TMIGD3: variants seen among roughly 807,000 people sequenced by gnomAD.
TMIGD3 encodes transmembrane and immunoglobulin domain containing 3.
In TMIGD3, 21 loss-of-function variants were observed where a neutral mutation model predicts 28.1. The ratio of observed to expected loss-of-function variants is 0.75; its 90% CI spans 0.53 to 1.08. The LOEUF (loss-of-function observed/expected upper bound fraction) is 1.08, where lower values mean the gene tolerates loss of function less well. Among genes scored for constraint, TMIGD3 ranks in the 50% least tolerant of loss-of-function variants. TMIGD3 has a pLI of 0.00. For synonymous variants in TMIGD3, 151 were observed against 162.1 expected, an observed-to-expected ratio of 0.93 and a Z score of 0.52; for missense variants, 416 against 435.6, an observed-to-expected ratio of 0.96 and a Z score of 0.40.
chr1:111,536,503 A>G (rs1294427463), intron 1 of TMIGD3, among the ~76,000 whole-genome samples: 1 of 152,160 alleles, frequency 6.6e-6, no homozygotes, highest in Non-Finnish European at 1.5e-5. Context: ...AAATTGCTGT[A>G]TACTAAGTCC....
intron 1 of TMIGD3, chr1:111,542,139 C>T (rs1656854960): frequency 3.7e-6 from 1 of 267,946 alleles, no homozygotes; most frequent in Non-Finnish European, 7.8e-6. Flanking sequence ...GTACAAAGAA[C>T]TATCATGTTT....
chr1:111,534,264 T>C (rs759471333), intron 1 of TMIGD3, among the ~76,000 whole-genome samples: 1 of 152,144 alleles, frequency 6.6e-6, no homozygotes. Flanking sequence ...CAGCATTCAA[T>C]TGTATGATTG....
At chr1:111,539,200 G>T (rs1656737655) in intron 1 of TMIGD3, among the ~76,000 whole-genome samples, 1 of 152,206 alleles carries the variant, frequency 6.6e-6, no homozygotes, top group South Asian at 2.1e-4. Context: ...CCATCACCCA[G>T]GTAGTGAGCA....
At chr1:111,532,130 G>A (rs1557838538) in intron 1 of TMIGD3, among the ~76,000 whole-genome samples, 1 of 86,036 alleles carries the variant, frequency 1.2e-5, no homozygotes, top group Non-Finnish European at 2.8e-5. Flanking sequence ...CTAGCTTAAG[G>A]TAGTTTTCTC....
intron 1 of TMIGD3, among the ~76,000 whole-genome samples, chr1:111,555,147 G>A (rs932782199): frequency 6.6e-6 from 1 of 151,836 alleles, no homozygotes; most frequent in African/African-American, 2.4e-5. Flanking sequence ...AAGAGGATCA[G>A]TTGAGGCCAG....
intron 1 of TMIGD3, among the ~76,000 whole-genome samples, chr1:111,556,338 G>A (rs79515540): frequency 0.026 from 3,951 of 152,212 alleles, 153 homozygotes; most frequent in African/African-American, 0.09. Flanking sequence ...ATGTAAAATT[G>A]TACAAGTGCT....
chr1:111,563,896 G>C, exon 1 of TMIGD3: 1 of 1,613,816 alleles, frequency 6.2e-7, no homozygotes, highest in Non-Finnish European at 8.5e-7. Context: ...GCTCTTCCCA[G>C]GAGCTTTCCC....
chr1:111,489,702 C>A (rs549893453), intron 2 of TMIGD3: 6 of 1,064,458 alleles, frequency 5.6e-6, no homozygotes, highest in East Asian at 2.2e-4. Flanking sequence ...CCCACCCTAC[C>A]TTAGCACCCT....
At chr1:111,484,695 A>G (rs1171320398) in intron 5 of TMIGD3, among the ~76,000 whole-genome samples, 1 of 152,204 alleles carries the variant, frequency 6.6e-6, no homozygotes, top group African/African-American at 2.4e-5. Context: ...TCTTCTGGCT[A>G]TGGATCCTGG....
intron 1 of TMIGD3, among the ~76,000 whole-genome samples, chr1:111,508,912 T>C (rs1037791047): frequency 6.6e-6 from 1 of 152,192 alleles, no homozygotes; most frequent in Non-Finnish European, 1.5e-5. Flanking sequence ...GTGACCAACG[T>C]GGTGAAACCC....
Position 111,488,822 on chromosome 1 carries a change from G to A in TMIGD3, c.660C>T (p.Val220=). The change falls in exon 3 of 6, where the codon GTC becomes GTT. Residue 220 remains valine, a synonymous_variant. Coordinates refer to ENST00000369716, the MANE Select transcript of TMIGD3 (RefSeq NM_020683.7). ...ALRDTGNQLI[V]TMSCLTKEDT... Reference sequence around the variant, plus strand: ...CCTCTTTGGTCAGGCAGGACATAGTGACAATGAGCTGGTTCCCTGTGTCCC... The same window carrying A: ...CCTCTTTGGTCAGGCAGGACATAGTAACAATGAGCTGGTTCCCTGTGTCCC... 6.2e-7 allele frequency: 1 copy of A among 1,614,198 alleles called. No individual in the cohort carries two copies. Among genetic ancestry groups the A allele is most frequent in the Non-Finnish European group, 8.5e-7 (1 of 1,180,042 alleles).
At chr1:111,488,274 G>A (rs867921510) in intron 3 of TMIGD3, among the ~76,000 whole-genome samples, 1 of 151,736 alleles carries the variant, frequency 6.6e-6, no homozygotes, top group Non-Finnish European at 1.5e-5. Context: ...CCAGGCAGGA[G>A]TGCAGTGGCG....
chr1:111,550,952 G>A (rs1403283676), intron 1 of TMIGD3, among the ~76,000 whole-genome samples: 1 of 149,640 alleles, frequency 6.7e-6, no homozygotes, highest in Non-Finnish European at 1.5e-5. Flanking sequence ...TCTTCATAGT[G>A]GAGTGACTCT....
At chr1:111,497,122 T>G (rs1654914642) in intron 1 of TMIGD3, among the ~76,000 whole-genome samples, 1 of 152,152 alleles carries the variant, frequency 6.6e-6, no homozygotes, top group Admixed American at 6.5e-5. Context: ...CTCTCTTTTT[T>G]GTTTTTGAGA....
intron 1 of TMIGD3, among the ~76,000 whole-genome samples, chr1:111,513,395 T>C (rs1210675452): frequency 2.0e-5 from 3 of 152,234 alleles, no homozygotes; most frequent in African/African-American, 7.2e-5. Flanking sequence ...GTAATTTAAT[T>C]TGCATTACAT....
chr1:111,541,211 T>A (rs1292019732), intron 1 of TMIGD3, among the ~76,000 whole-genome samples: 2 of 152,222 alleles, frequency 1.3e-5, no homozygotes, highest in Admixed American at 6.5e-5. Context: ...ACTTCTGCTA[T>A]AGAAGGAAAG....
chr1:111,514,775 A>T (rs192656941), intron 1 of TMIGD3, among the ~76,000 whole-genome samples: 2 of 151,608 alleles, frequency 1.3e-5, no homozygotes, highest in African/African-American at 4.8e-5. Flanking sequence ...TAATGGTAAC[A>T]CTCCAGGGCT....
At chr1:111,515,973 C>T (rs1392867142) in intron 1 of TMIGD3, among the ~76,000 whole-genome samples, 1 of 152,208 alleles carries the variant, frequency 6.6e-6, no homozygotes, top group African/African-American at 2.4e-5. Flanking sequence ...GCGGCGGGAA[C>T]CTGCAGGTGG....
rs558961587 is a variant in TMIGD3, at chr1:111,519,244, T to C, written c.108-28482A>G. ...GTGAGCCACCGCAACCAGCCCCAACTAGGAATTTAAGCTCTTATTTACAGT... is the reference window on the plus strand; with the variant it reads ...GTGAGCCACCGCAACCAGCCCCAACCAGGAATTTAAGCTCTTATTTACAGT... On this transcript the variant is annotated intron_variant, in intron 1 of 5. Coordinates refer to the TMIGD3 transcript ENST00000369717. Among the ~76,000 whole-genome samples the C allele has an allele frequency of 3.9e-5, 6 of 152,254 alleles. 2 individuals are homozygous for C. Among genetic ancestry groups the C allele is most frequent in the African/African-American group, 1.4e-4 (6 of 41,548 alleles).
Sources: allele counts gnomAD v4.1 joint callset (sites outside exome capture counted in the v4.1 genomes callset), GRCh38; gene constraint gnomAD v4.1.1; transcripts MANE v1.5; gene names NCBI Gene and HGNC (gene_info 2026-07-23, HGNC 2026-07-21).